Variants in SAMSN1 observed in about 807,000 individuals in gnomAD.
SAMSN1 encodes the protein SAM domain-containing protein SAMSN-1.
A neutral mutation model predicts 42.0 loss-of-function variants in SAMSN1; 31 were observed. The ratio of observed to expected loss-of-function variants is 0.74; its 90% CI spans 0.55 to 1.00. The LOEUF is 1.00. SAMSN1 is among the 50% of genes least tolerant of loss of function. SAMSN1 has a pLI of 0.00. For missense variants in SAMSN1, 464 were observed against 439.4 expected (o/e 1.06, Z -0.50); for synonymous variants, 178 against 151.9 (o/e 1.17, Z -1.26).
intron 5 of SAMSN1, among the ~76,000 whole-genome samples, chr21:14,507,243 A>T (rs923836383): frequency 1.3e-5 from 2 of 152,350 alleles, no homozygotes; most frequent in East Asian, 3.9e-4. Flanking sequence ...CTGAAGATGA[A>T]GTCAAACTGT....
intron 2 of SAMSN1, among the ~76,000 whole-genome samples, chr21:14,570,152 A>G (rs191022105): frequency 6.0e-4 from 92 of 152,282 alleles, no homozygotes; most frequent in African/African-American, 1.8e-3. Context: ...TTGCCAAATC[A>G]TTCAGAATGC....
intron 5 of SAMSN1, among the ~76,000 whole-genome samples, chr21:14,506,758 C>G (rs1987429167): frequency 6.6e-6 from 1 of 152,094 alleles, no homozygotes; most frequent in Admixed American, 6.5e-5. Context: ...AACTACAGAC[C>G]AATATCCCTG....
rs13046074 is a variant in SAMSN1 at position 14,640,725 on chromosome 21, T to C, written c.156+2277A>G. Among the ~76,000 whole-genome samples, 1,361 of 152,198 alleles carry C rather than the reference T, an allele frequency of 8.9e-3. 7 individuals are homozygous for C. The highest frequency in any genetic ancestry group is 0.015 in the Non-Finnish European group (1,031 of 67,950). On this transcript the variant is annotated intron_variant, in intron 2 of 15. Transcript: ENST00000647101. ...GAAATAATTTTCATTCGGAATATAA[T>C]AAGTATTAATAATACTTTGATGGGA...
At chr21:14,490,573 C>T (rs1199175026) in intron 7 of SAMSN1, among the ~76,000 whole-genome samples, 1 of 152,170 alleles carries the variant, frequency 6.6e-6, no homozygotes, top group Non-Finnish European at 1.5e-5. Flanking sequence ...TTTTTTATTT[C>T]ATCTAAAGCC....
At chr21:14,511,205 T>C (rs1987674529) in intron 4 of SAMSN1, among the ~76,000 whole-genome samples, 1 of 152,176 alleles carries the variant, frequency 6.6e-6, no homozygotes, top group African/African-American at 2.4e-5. Flanking sequence ...AAATAAGGTA[T>C]AGCTCCTTCA....
intron 1 of SAMSN1, among the ~76,000 whole-genome samples, chr21:14,532,460 T>A (rs1013597184): frequency 1.3e-4 from 20 of 152,226 alleles, no homozygotes; most frequent in African/African-American, 4.8e-4. Context: ...TTGGAAGAGA[T>A]GTTAGTGTCC....
intron 7 of SAMSN1, among the ~76,000 whole-genome samples, chr21:14,497,765 G>A (rs1222564348): frequency 6.6e-6 from 1 of 152,072 alleles, no homozygotes; most frequent in Non-Finnish European, 1.5e-5. Flanking sequence ...CAGTGTTTGG[G>A]GGCCTGACCG....
chr21:14,585,198 G>C (rs528171827), upstream of SAMSN1, among the ~76,000 whole-genome samples: 4 of 152,054 alleles, frequency 2.6e-5, no homozygotes, highest in Non-Finnish European at 4.4e-5. Context: ...TTATTTCTCA[G>C]TGTTTCTTTT....
At chr21:14,549,655 A>G (rs1457147622), upstream of SAMSN1, among the ~76,000 whole-genome samples, 1 of 152,184 alleles carries the variant, frequency 6.6e-6, no homozygotes, top group African/African-American at 2.4e-5. Flanking sequence ...CACAGAACCC[A>G]ACTCTGAAAT....
intron 2 of SAMSN1, among the ~76,000 whole-genome samples, chr21:14,517,288 C>T (rs1421973814): frequency 6.6e-6 from 1 of 152,138 alleles, no homozygotes; most frequent in East Asian, 1.9e-4. Flanking sequence ...ATCTGCAACT[C>T]TTTTAGAGAA....
chr21:14,524,847 A>C (rs1978736584), intron 1 of SAMSN1, among the ~76,000 whole-genome samples: 1 of 152,206 alleles, frequency 6.6e-6, no homozygotes. Flanking sequence ...AGTAAAATGG[A>C]GAAAAGTGCA....
rs567349522 is a variant in SAMSN1, at chr21:14,559,733, G to A, written c.261+22403C>T. 2.3e-4 allele frequency among the ~76,000 whole-genome samples: 35 copies of A among 151,750 alleles called. 1 individual carries two copies. In the South Asian group the frequency reaches 4.4e-3, roughly 19 times the overall value. On this transcript the variant is annotated intron_variant, in intron 2 of 8. Transcript: ENST00000285670. ...GTTGCCCAGACTGGTCTTGAACTCC[G>A]GGCCTCAATTTATCCTCCCATTTCT... is the stretch of plus-strand genomic sequence containing the variant.
At chr21:14,570,061 A>T (rs1406030654) in intron 2 of SAMSN1, among the ~76,000 whole-genome samples, 1 of 151,864 alleles carries the variant, frequency 6.6e-6, no homozygotes, top group East Asian at 1.9e-4. Flanking sequence ...GTTCACACAG[A>T]AAATATTTTG....
rs1982532448 is a variant in SAMSN1, at chr21:14,605,106, G to C, written c.323-3007C>G. On this transcript the variant is annotated intron_variant, in intron 5 of 15. Coordinates refer to the SAMSN1 transcript ENST00000647101. ...TGCCCTTCAAATACAGAGGCAGCAA[G>C]GGATGATGTAAAAAAGTTTTTATTT... 2.0e-5 allele frequency among the ~76,000 whole-genome samples: 3 copies of C among 152,202 alleles called. No homozygotes were observed. In the South Asian group the frequency reaches 6.2e-4, roughly 32 times the overall value.
Position 14,510,303 on chromosome 21 carries a change from C to T in SAMSN1, c.561+7G>A. 1 of 1,613,550 alleles carries T rather than the reference C, an allele frequency of 6.2e-7. No individual in the cohort carries two copies. Among genetic ancestry groups the T allele is most frequent in the Non-Finnish European group, 8.5e-7 (1 of 1,179,502 alleles). On this transcript the variant is annotated splice_region_variant and intron_variant, in intron 5 of 7. Coordinates refer to ENST00000400566, the MANE Select transcript of SAMSN1 (RefSeq NM_022136.5). ...CATTCAGAAGGTGGGATATGATGTC[C>T]TCTCACCTTGATTTTGAGGGAGTCA...
rs570075220 is a variant in SAMSN1 at position 14,500,846 on chromosome 21, TATAAC to T, written c.562-116_562-112del. ...GGACATTATGCTAAAGGGGTTCAGA[TATAAC>T]AGAAACAAATCTAAACATTCACTTG... On this transcript the variant is annotated intron_variant, in intron 5 of 7. Transcript: ENST00000400566. 1.7e-5 allele frequency: 14 copies of T among 832,210 alleles called. No homozygotes were observed. In the South Asian group the frequency reaches 2.0e-4, roughly 12 times the overall value. The allele number at this position is 832,210 out of a possible 1,614,324, so 51.6% of individuals were successfully genotyped here. A position where few individuals can be genotyped will look rare whatever the true frequency, so the allele number is the denominator to read the frequency against.
At chr21:14,504,337 G>T (rs1444205547) in intron 5 of SAMSN1, among the ~76,000 whole-genome samples, 2 of 152,118 alleles carry the variant, frequency 1.3e-5, no homozygotes, top group African/African-American at 4.8e-5. Context: ...GAAGCGCAAG[G>T]TAAGGAAATC....
In SAMSN1 at chr21:14,564,228, C is replaced by T. The variant is rs76054376; in HGVS notation, c.261+17908G>A. Among the ~76,000 whole-genome samples the T allele has an allele frequency of 9.5e-3, 1,439 of 152,064 alleles. 13 individuals are homozygous for T. Among genetic ancestry groups the T allele is most frequent in the African/African-American group, 0.027 (1,118 of 41,480 alleles). On this transcript the variant is annotated intron_variant, in intron 2 of 8. Transcript: ENST00000285670. Reference sequence around the variant, plus strand: ...TTGAAGAAGGGTTTTATGGAGACGCCGATGGAGAATATGGATTATATGTTT... The same window carrying T: ...TTGAAGAAGGGTTTTATGGAGACGCTGATGGAGAATATGGATTATATGTTT...
intron 2 of SAMSN1, among the ~76,000 whole-genome samples, chr21:14,633,845 G>A (rs765022583): frequency 6.6e-6 from 1 of 152,036 alleles, no homozygotes; most frequent in Non-Finnish European, 1.5e-5. Context: ...CCTGACCTTG[G>A]CCTCATTAGT....
Sources: gnomAD v4.1 joint callset for allele counts (sites outside exome capture counted in the v4.1 genomes callset) on GRCh38, gnomAD v4.1.1 for gene constraint, MANE v1.5 for transcripts, NCBI Gene and HGNC (gene_info 2026-07-23, HGNC 2026-07-21) for gene names.